Variants in FBLN5 observed in about 807,000 individuals in gnomAD.
FBLN5 encodes fibulin 5.
FBLN5 carries 24 observed loss-of-function variants against 61.6 expected under a neutral mutation model. That is an observed-to-expected ratio of 0.39 (90% CI 0.28 to 0.55). The LOEUF is 0.55. Ranked by LOEUF, FBLN5 falls within the 20% of genes least tolerant of loss-of-function variation. The pLI, the probability that FBLN5 is intolerant of heterozygous loss-of-function variation, is 0.65. For synonymous variants in FBLN5, 213 were observed against 219.8 expected (o/e 0.97, Z 0.27); for missense variants, 470 against 594.1 (o/e 0.79, Z 2.17).
rs143330945 is a variant in FBLN5 at position 91,881,453 on chromosome 14, G to A, written c.863-35C>T. ...AGGGGAGACAAGAAGCGGAGGCAGG[G>A]CATTATTGGCCAGGCCAGACGCGTG... is the stretch of plus-strand genomic sequence containing the variant. On this transcript the variant is annotated intron_variant, in intron 8 of 10. Coordinates refer to ENST00000342058, the MANE Select transcript of FBLN5 (RefSeq NM_006329.4). The A allele has an allele frequency of 4.4e-4, 714 of 1,613,506 alleles. 1 individual carries two copies. The highest frequency in any genetic ancestry group is 5.6e-4 in the Non-Finnish European group (665 of 1,179,828).
At chr14:91,944,521 A>G (rs1315205071) in intron 1 of FBLN5, among the ~76,000 whole-genome samples, 1 of 152,262 alleles carries the variant, frequency 6.6e-6, no homozygotes, top group Non-Finnish European at 1.5e-5. Context: ...TCATAGCAGC[A>G]TTATTCACAA....
intron 4 of FBLN5, among the ~76,000 whole-genome samples, chr14:91,919,432 A>AGGAAGGAAGGAAGGAT (rs1178918299): frequency 4.0e-5 from 6 of 150,230 alleles, no homozygotes; most frequent in African/African-American, 1.5e-4. Flanking sequence ...GAAGGAAGGA[A>AGGAAGGAAGGAAGGAT]GGATTACCAG....
At chr14:91,894,426 A>T (rs1170817518) in intron 5 of FBLN5, among the ~76,000 whole-genome samples, 2 of 143,258 alleles carry the variant, frequency 1.4e-5, no homozygotes, top group East Asian at 4.2e-4. Context: ...AAAAAAAAAA[A>T]ACCGAAAAAA....
At chr14:91,944,610 TCA>T (rs2056156202) in intron 1 of FBLN5, among the ~76,000 whole-genome samples, 1 of 152,204 alleles carries the variant, frequency 6.6e-6, no homozygotes, top group Non-Finnish European at 1.5e-5. Context: ...GGAATAGTAT[TCA>T]GTCTTAAAAA....
chr14:91,929,799 G>A lies in FBLN5; in HGVS notation c.379+7148C>T, dbSNP rs144224050. On this transcript the variant is annotated intron_variant, in intron 4 of 10. Coordinates refer to ENST00000342058, the MANE Select transcript of FBLN5 (RefSeq NM_006329.4). ...TTAAAGGGTGTTCCCTGGACCAGCA[G>A]CGTGGCATCACCTGGGGGCTTATAA... is the stretch of plus-strand genomic sequence containing the variant. Among the ~76,000 whole-genome samples, 1,152 of 152,360 alleles carry A rather than the reference G, an allele frequency of 7.6e-3. 8 individuals carry two copies. Among genetic ancestry groups the A allele is most frequent in the Non-Finnish European group, 0.013 (881 of 68,032 alleles).
rs1304848815 is a variant in FBLN5 at position 91,877,421 on chromosome 14, G to A, written c.1185+66C>T. ...ACTCTTACCTGCTTGCATACAGCACGTTCCTAGGAGAGACAGCACAAGGCC... is the reference window on the plus strand; with the variant it reads ...ACTCTTACCTGCTTGCATACAGCACATTCCTAGGAGAGACAGCACAAGGCC... On this transcript the variant is annotated intron_variant, in intron 10 of 10. Coordinates refer to ENST00000342058, the MANE Select transcript of FBLN5 (RefSeq NM_006329.4). 3.0e-6 allele frequency: 4 copies of A among 1,319,788 alleles called. No homozygotes were observed. In the African/African-American group the frequency reaches 4.3e-5, roughly 14 times the overall value. The allele number at this position is 1,319,788 out of a possible 1,614,324, so 81.8% of individuals were successfully genotyped here.
chr14:91,889,265 C>T (rs966648335), intron 6 of FBLN5, among the ~76,000 whole-genome samples: 4 of 152,202 alleles, frequency 2.6e-5, no homozygotes, highest in Non-Finnish European at 5.9e-5. Context: ...GGCTGGTGGC[C>T]TCAGCCTCTG....
chr14:91,946,935 A>G, intron 1 of FBLN5: 1 of 1,456,676 alleles, frequency 6.9e-7, no homozygotes, highest in Non-Finnish European at 9.0e-7. Flanking sequence ...CCCTTTCCAG[A>G]AAAGAAAGAG....
intron 2 of FBLN5, among the ~76,000 whole-genome samples, chr14:91,940,841 A>G (rs2056094029): frequency 6.6e-6 from 1 of 152,144 alleles, no homozygotes; most frequent in Admixed American, 6.5e-5. Context: ...GCAGTGGCTC[A>G]TGCATGTAAT....
intron 7 of FBLN5, among the ~76,000 whole-genome samples, chr14:91,886,112 C>T (rs1246421756): frequency 6.6e-6 from 1 of 152,192 alleles, no homozygotes; most frequent in East Asian, 1.9e-4. Context: ...GTTCCTGTTA[C>T]AATAAAACCC....
chr14:91,882,825 C>T lies in FBLN5; in HGVS notation c.862+129G>A. On this transcript the variant is annotated intron_variant, in intron 8 of 10. Transcript: ENST00000342058. This position sits in a 1 kb window ranked among gnomAD's most constrained non-coding sequence, Gnocchi z 4.9. ...CCACTATGAGAGCCACCAGCACCCACTCACACCCCCACCCCTGCCACCTTC... is the reference window on the plus strand; with the variant it reads ...CCACTATGAGAGCCACCAGCACCCATTCACACCCCCACCCCTGCCACCTTC... 1.9e-6 allele frequency: 2 copies of T among 1,073,828 alleles called. No homozygotes were observed. Among genetic ancestry groups the T allele is most frequent in the Non-Finnish European group, 2.8e-6 (2 of 725,966 alleles). The allele number at this position is 1,073,828 out of a possible 1,614,324, so 66.5% of individuals were successfully genotyped here. A position where few individuals can be genotyped will look rare whatever the true frequency, so the allele number is the denominator to read the frequency against.
intron 4 of FBLN5, among the ~76,000 whole-genome samples, chr14:91,930,072 T>G (rs2055897709): frequency 6.6e-6 from 1 of 152,052 alleles, no homozygotes; most frequent in Non-Finnish European, 1.5e-5. Context: ...GAAGAAAGAA[T>G]AAAAAATAAT....
At chr14:91,940,872 A>G (rs1425399043) in intron 2 of FBLN5, among the ~76,000 whole-genome samples, 1 of 152,150 alleles carries the variant, frequency 6.6e-6, no homozygotes, top group Non-Finnish European at 1.5e-5. Flanking sequence ...TGGGAGGCTG[A>G]GGAGGAAGGA....
At chr14:91,920,065 A>G (rs2055707610) in intron 4 of FBLN5, among the ~76,000 whole-genome samples, 1 of 152,078 alleles carries the variant, frequency 6.6e-6, no homozygotes, top group African/African-American at 2.4e-5. Context: ...CTTGACTTGG[A>G]GTCCCACACA....
chr14:91,914,097 C>G (rs1461199902), intron 4 of FBLN5, among the ~76,000 whole-genome samples: 1 of 152,204 alleles, frequency 6.6e-6, no homozygotes, highest in African/African-American at 2.4e-5. Context: ...AATCCTAGCA[C>G]TTTGGGAGGC....
intron 1 of FBLN5, among the ~76,000 whole-genome samples, chr14:91,945,281 T>G (rs1306905484): frequency 1.3e-5 from 2 of 151,586 alleles, no homozygotes; most frequent in Non-Finnish European, 2.9e-5. Flanking sequence ...TATCTAGTAC[T>G]ATTATTCAGT....
At chr14:91,918,443 A>G (rs1384041718) in intron 4 of FBLN5, among the ~76,000 whole-genome samples, 1 of 152,202 alleles carries the variant, frequency 6.6e-6, no homozygotes, top group Non-Finnish European at 1.5e-5. Context: ...GAGCTGAGCC[A>G]AAAGAATGCC....
intron 4 of FBLN5, among the ~76,000 whole-genome samples, chr14:91,899,144 G>A (rs913189567): frequency 1.4e-4 from 9 of 63,244 alleles, no homozygotes; most frequent in African/African-American, 4.9e-4. Context: ...CTGTGTGTTC[G>A]TGTGTGTGTG....
chr14:91,908,397 A>G (rs1362093484), intron 4 of FBLN5, among the ~76,000 whole-genome samples: 3 of 152,062 alleles, frequency 2.0e-5, no homozygotes, highest in Non-Finnish European at 2.9e-5. Context: ...CTCATCTTCT[A>G]CAGAGACTTT....
Sources: allele counts gnomAD v4.1 joint callset (sites outside exome capture counted in the v4.1 genomes callset), GRCh38; gene constraint gnomAD v4.1.1; non-coding constraint Gnocchi (gnomAD v3.1); transcripts MANE v1.5; gene names NCBI Gene and HGNC (gene_info 2026-07-23, HGNC 2026-07-21).